The following SERPINB10 variants were observed in gnomAD, a reference collection of about 807,000 sequenced individuals.
SERPINB10 encodes the protein serpin B10.
Under a neutral mutation model 39.1 loss-of-function variants are expected in SERPINB10, and 35 were observed. The observed-to-expected ratio is 0.90, with a 90% CI of 0.68 to 1.19. The LOEUF is 1.19. Among genes scored for constraint, SERPINB10 ranks in the 50% most tolerant of loss-of-function variants. The pLI, the probability that SERPINB10 is intolerant of heterozygous loss-of-function variation, is 0.00. For missense variants in SERPINB10, 546 were observed against 460.5 expected, an observed-to-expected ratio of 1.19 and a Z score of -1.70; for synonymous variants, 190 against 158.1, an observed-to-expected ratio of 1.20 and a Z score of -1.52.
intron 2 of SERPINB10, among the ~76,000 whole-genome samples, chr18:63,917,251 A>C (rs1337706363): frequency 6.6e-6 from 1 of 152,026 alleles, no homozygotes; most frequent in African/African-American, 2.4e-5. Flanking sequence ...GAGACTAGCA[A>C]CTTAAATTCG....
intron 5 of SERPINB10, among the ~76,000 whole-genome samples, chr18:63,922,235 T>C (rs1364423199): frequency 1.3e-5 from 2 of 151,986 alleles, no homozygotes; most frequent in Non-Finnish European, 1.5e-5. Flanking sequence ...ATTGAGCCCA[T>C]GACTCAAAAG....
chr18:63,928,854 G>A lies in SERPINB10; in HGVS notation c.491-1191G>A, dbSNP rs530315805. On this transcript the variant is annotated intron_variant, in intron 5 of 7. Coordinates refer to ENST00000238508, the MANE Select transcript of SERPINB10 (RefSeq NM_005024.3). The stretch of plus-strand genomic sequence containing the variant: ...TGATTTGGCTCTCTGTCTGTTGTTG[G>A]TGTATAAGAATGCTTGTGATTTTTG... Among the ~76,000 whole-genome samples the A allele has an allele frequency of 3.3e-5, 5 of 149,754 alleles. No homozygotes were observed. In the East Asian group the frequency reaches 9.8e-4, roughly 29 times the overall value.
chr18:63,923,126 G>A (rs2050158035), intron 5 of SERPINB10, among the ~76,000 whole-genome samples: 1 of 151,848 alleles, frequency 6.6e-6, no homozygotes, highest in Non-Finnish European at 1.5e-5. Flanking sequence ...GACACAGTTC[G>A]AATCTTTTAC....
chr18:63,930,145 C>G lies in SERPINB10; in HGVS notation c.591C>G (p.Phe197Leu). The G allele has an allele frequency of 6.2e-7, 1 of 1,613,474 alleles. No individual in the cohort carries two copies. Among genetic ancestry groups the G allele is most frequent in the Non-Finnish European group, 8.5e-7 (1 of 1,179,642 alleles). The stretch of plus-strand genomic sequence containing the variant: ...TTAAAGGAATCTGGGAACATCAATT[C>G]TTAGTGCAAAACACCACAGAAAAGC... ...LYFKGIWEHQ[F>L]LVQNTTEKPF... The change falls in exon 6 of 8, where the codon TTC becomes TTG. Residue 197 changes from phenylalanine (F) to leucine (L), a missense_variant. Coordinates refer to ENST00000238508, the MANE Select transcript of SERPINB10 (RefSeq NM_005024.3).
intron 7 of SERPINB10, among the ~76,000 whole-genome samples, chr18:63,933,464 G>A (rs975934175): frequency 6.6e-6 from 1 of 151,990 alleles, no homozygotes; most frequent in Non-Finnish European, 1.5e-5. Flanking sequence ...TCCAGCCTGG[G>A]GTCATCACAC....
intron 5 of SERPINB10, among the ~76,000 whole-genome samples, chr18:63,924,541 G>A (rs1008821853): frequency 1.3e-5 from 2 of 151,962 alleles, no homozygotes; most frequent in Admixed American, 6.6e-5. Flanking sequence ...TTGGAGTGAG[G>A]TTCAAGCATC....
At chr18:63,916,601 C>T (rs902059727) in intron 2 of SERPINB10, among the ~76,000 whole-genome samples, 7 of 152,170 alleles carry the variant, frequency 4.6e-5, no homozygotes, top group South Asian at 4.1e-4. Flanking sequence ...TCCTTGTTCA[C>T]AACTTGTTAA....
intron 5 of SERPINB10, among the ~76,000 whole-genome samples, chr18:63,928,029 G>A (rs1365578275): frequency 6.6e-6 from 1 of 152,010 alleles, no homozygotes; most frequent in African/African-American, 2.4e-5. Context: ...GTTTCCACGG[G>A]AGGTAATCAC....
Position 63,919,786 on chromosome 18 carries a change from A to G in SERPINB10, c.373-2A>G, listed in dbSNP as rs767344773. 9.6e-6 allele frequency: 15 copies of G among 1,568,788 alleles called. No homozygotes were observed. In the East Asian group the frequency reaches 3.4e-4, roughly 35 times the overall value. The stretch of plus-strand genomic sequence containing the variant: ...AAGGGGATTTTTATCTATGTCTTTC[A>G]GAAATATTTAGAAGACATGAAAACA... On this transcript the variant is annotated splice_acceptor_variant, in intron 4 of 7. Transcript: ENST00000238508. LOFTEE classifies it high-confidence loss of function.
At chr18:63,917,237 T>C (rs2050110058) in intron 2 of SERPINB10, among the ~76,000 whole-genome samples, 2 of 152,006 alleles carry the variant, frequency 1.3e-5, no homozygotes, top group Non-Finnish European at 2.9e-5. Flanking sequence ...CATAGGAAAA[T>C]AAAGAGACTA....
intron 5 of SERPINB10, among the ~76,000 whole-genome samples, chr18:63,923,121 A>C (rs1226442459): frequency 6.6e-6 from 1 of 151,966 alleles, no homozygotes; most frequent in African/African-American, 2.4e-5. Flanking sequence ...TGGTGGACAC[A>C]GTTCGAATCT....
intron 5 of SERPINB10, among the ~76,000 whole-genome samples, chr18:63,924,071 C>G (rs989464827): frequency 6.6e-6 from 1 of 151,906 alleles, no homozygotes; most frequent in African/African-American, 2.4e-5. Flanking sequence ...AATTCTGCTT[C>G]CTGTTAGTGC....
At position 63,935,052 on chromosome 18, in the gene SERPINB10, A is replaced by C. The variant is rs781715301; in HGVS notation, c.1004A>C (p.Asn335Thr). 3 of 1,614,132 alleles carry C rather than the reference A, an allele frequency of 1.9e-6. No homozygotes were observed. The Admixed American group carries it at 5.0e-5, about 27-fold the overall frequency. Residue 335 changes from asparagine (N) to threonine (T), a missense_variant, in exon 8 of 8, where the codon AAT becomes ACT. Asn to Thr is a moderately conservative substitution (Grantham distance 65, BLOSUM62 0). Coordinates refer to ENST00000238508, the MANE Select transcript of SERPINB10 (RefSeq NM_005024.3). The part of the protein sequence containing the change: ...MSSARNLFLS[N>T]VFHKAFVEIN... ...TCAGCAAGAAACCTATTTTTGTCCA[A>C]TGTTTTCCATAAGGCTTTTGTGGAA...
Position 63,933,044 on chromosome 18 carries a change from T to A in SERPINB10, c.634-4T>A. 1 of 1,606,644 alleles carries A rather than the reference T, an allele frequency of 6.2e-7. No individual in the cohort carries two copies. The stretch of plus-strand genomic sequence containing the variant: ...CTGTTTTTTTGTTTTTTTGTTTTTT[T>A]TAGACTACAAGCAAACCAGTGCAAA... On this transcript the variant is annotated splice_polypyrimidine_tract_variant and splice_region_variant and intron_variant, in intron 6 of 7. Coordinates refer to ENST00000238508, the MANE Select transcript of SERPINB10 (RefSeq NM_005024.3).
intron 5 of SERPINB10, among the ~76,000 whole-genome samples, chr18:63,924,391 A>G (rs527835044): frequency 2.7e-4 from 41 of 152,088 alleles, no homozygotes; most frequent in Admixed American, 1.9e-3. Flanking sequence ...ATGTATTTGT[A>G]GCCCATTGCT....
intron 4 of SERPINB10, among the ~76,000 whole-genome samples, 196 bp from the exon 5 acceptor site, chr18:63,919,592 G>C (rs1372599390): frequency 6.6e-6 from 1 of 151,956 alleles, no homozygotes; most frequent in Non-Finnish European, 1.5e-5. Context: ...TGCATAGCTA[G>C]CCAGTGCCCT....
chr18:63,934,690 AG>A (rs1258172737), intron 7 of SERPINB10, 147 bp from the exon 8 acceptor site: 13 of 750,594 alleles, frequency 1.7e-5, no homozygotes, highest in Non-Finnish European at 2.2e-5. Context: ...ATACAACCAA[AG>A]GATTTCCAGA....
chr18:63,926,116 G>C (rs1259441178), intron 5 of SERPINB10, among the ~76,000 whole-genome samples: 3 of 151,984 alleles, frequency 2.0e-5, no homozygotes, highest in Non-Finnish European at 4.4e-5. Context: ...TCAAAATCAG[G>C]CTGTCAGCAA....
intron 6 of SERPINB10, 152 bp downstream of exon 6, chr18:63,930,339 G>A (rs1157629958): frequency 2.5e-6 from 2 of 811,796 alleles, no homozygotes; most frequent in Non-Finnish European, 3.8e-6. Context: ...TCAGTTCCAT[G>A]GGGAATTCAT....
Sources: gnomAD v4.1 joint callset for allele counts (sites outside exome capture counted in the v4.1 genomes callset) on GRCh38, gnomAD v4.1.1 for gene constraint, MANE v1.5 for transcripts, NCBI Gene and HGNC (gene_info 2026-07-23, HGNC 2026-07-21) for gene names.